The following RFTN1 variants were observed in gnomAD, a reference collection of about 807,000 sequenced individuals.
RFTN1 encodes raftlin.
RFTN1 carries 26 observed loss-of-function variants against 46.5 expected under a neutral mutation model. That is an observed-to-expected ratio of 0.56 (90% CI 0.41 to 0.78). The LOEUF (loss-of-function observed/expected upper bound fraction) is 0.78. Among genes scored for constraint, RFTN1 ranks in the 30% least tolerant of loss-of-function variants. RFTN1 has a pLI of 0.00. For missense variants in RFTN1, 693 were observed against 718.7 expected, an observed-to-expected ratio of 0.96 and a Z score of 0.41; for synonymous variants, 261 against 284.2, an observed-to-expected ratio of 0.92 and a Z score of 0.82.
rs567582350 is a variant in RFTN1 at position 16,426,686 on chromosome 3, T to C, written c.332+7165A>G. Among the ~76,000 whole-genome samples the C allele has an allele frequency of 4.6e-5, 7 of 151,984 alleles. No individual in the cohort carries two copies. Among genetic ancestry groups the C allele is most frequent in the Admixed American group, 3.3e-4 (5 of 15,260 alleles). On this transcript the variant is annotated intron_variant, in intron 3 of 9. Coordinates refer to ENST00000334133, the MANE Select transcript of RFTN1 (RefSeq NM_015150.2). The surrounding 1 kb of genome is among the most constrained non-coding windows in gnomAD (Gnocchi z 5.9). The stretch of plus-strand genomic sequence containing the variant: ...GTGTGTGTGTGTGTGTGTGTGTGTG[T>C]GTGTGTGTGTGTCTGTTCCATTACT...
intron 3 of RFTN1, among the ~76,000 whole-genome samples, chr3:16,420,105 C>A (rs1329230794): frequency 6.6e-6 from 1 of 152,178 alleles, no homozygotes; most frequent in East Asian, 1.9e-4. Context: ...AGCCACTGTG[C>A]ACTACAAGGA....
At chr3:16,445,481 TCTCACACACACA>T (rs1320881966) in intron 2 of RFTN1, among the ~76,000 whole-genome samples, 37 of 54,960 alleles carry the variant, frequency 6.7e-4, no homozygotes, top group Non-Finnish European at 1.3e-3. Context: ...TCTCTCTCTC[TCTCACACACACA>T]CACACACACA....
chr3:16,479,078 T>C lies in RFTN1; in HGVS notation c.145+14647A>G, dbSNP rs1297421028. On this transcript the variant is annotated intron_variant, in intron 2 of 9. Transcript: ENST00000334133. The surrounding 1 kb of genome is among the most constrained non-coding windows in gnomAD (Gnocchi z 5.1). ...ATGTCCACCATGCTACTTGATATCATAACACTAATGAGCAGGAAAGTTGAG... is the reference window on the plus strand; with the variant it reads ...ATGTCCACCATGCTACTTGATATCACAACACTAATGAGCAGGAAAGTTGAG... 1.3e-5 allele frequency among the ~76,000 whole-genome samples: 2 copies of C among 152,176 alleles called. No homozygotes were observed. Among genetic ancestry groups the C allele is most frequent in the Admixed American group, 6.5e-5 (1 of 15,278 alleles).
At chr3:16,354,033 C>G (rs2072263949) in intron 7 of RFTN1, among the ~76,000 whole-genome samples, 2 of 152,190 alleles carry the variant, frequency 1.3e-5, no homozygotes, top group Admixed American at 1.3e-4. Context: ...GATTCTGATA[C>G]AAGCTCAATT....
At chr3:16,502,523 G>C (rs2076729014) in intron 1 of RFTN1, among the ~76,000 whole-genome samples, 1 of 152,232 alleles carries the variant, frequency 6.6e-6, no homozygotes, top group Admixed American at 6.5e-5. Flanking sequence ...GGGCTGACCT[G>C]TGTAACCAGA....
chr3:16,353,869 T>C lies in RFTN1; in HGVS notation c.1146+4063A>G, dbSNP rs2072251246. The stretch of plus-strand genomic sequence containing the variant: ...CCCTCCCAGAACCTTGATCTTGGAC[T>C]TTTCAGCCTCCAGAACTGAGAGGAA... On this transcript the variant is annotated intron_variant, in intron 7 of 9. Transcript: ENST00000334133. This position sits in a 1 kb window ranked among gnomAD's most constrained non-coding sequence, Gnocchi z 5.4. 6.6e-6 allele frequency among the ~76,000 whole-genome samples: 1 copy of C among 152,158 alleles called. No individual in the cohort carries two copies. Among genetic ancestry groups the C allele is most frequent in the South Asian group, 2.1e-4 (1 of 4,830 alleles).
At position 16,352,256 on chromosome 3, in the gene RFTN1, G is replaced by A. The variant is rs1253824464; in HGVS notation, c.1146+5676C>T. ...TATGCTAGAACATATTCCAGGGAGAGGGATAAACATGGAAAAGGCTCTATG... is the reference window on the plus strand; with the variant it reads ...TATGCTAGAACATATTCCAGGGAGAAGGATAAACATGGAAAAGGCTCTATG... On this transcript the variant is annotated intron_variant, in intron 7 of 9. Coordinates refer to ENST00000334133, the MANE Select transcript of RFTN1 (RefSeq NM_015150.2). The surrounding 1 kb of genome is among the most constrained non-coding windows in gnomAD (Gnocchi z 4.6). Among the ~76,000 whole-genome samples, 1 of 152,174 alleles carries A rather than the reference G, an allele frequency of 6.6e-6. No individual in the cohort carries two copies. The highest frequency in any genetic ancestry group is 1.9e-4 in the East Asian group (1 of 5,202).
At chr3:16,501,600 T>C (rs190645781) in intron 1 of RFTN1, among the ~76,000 whole-genome samples, 57 of 152,382 alleles carry the variant, frequency 3.7e-4, no homozygotes, top group African/African-American at 8.2e-4. Context: ...GGCAATTATA[T>C]GCAATGATGC....
Position 16,348,451 on chromosome 3 carries a change from C to T in RFTN1, c.1146+9481G>A, listed in dbSNP as rs1309083814. On this transcript the variant is annotated intron_variant, in intron 7 of 9. Transcript: ENST00000334133. This position sits in a 1 kb window ranked among gnomAD's most constrained non-coding sequence, Gnocchi z 6.3. ...GCAGGAAGCCCCCACACTCAATTCC[C>T]TTAGCCCATCCAAGTCCTGGCTTGA... 6.6e-6 allele frequency among the ~76,000 whole-genome samples: 1 copy of T among 152,190 alleles called. No homozygotes were observed. The highest frequency in any genetic ancestry group is 1.5e-5 in the Non-Finnish European group (1 of 68,024).
rs1300602878 is a variant in RFTN1, at chr3:16,344,664, G to A, written c.1146+13268C>T. ...AAGCCCCTGAAAAAGATGTGAAACA[G>A]GCCAAGGCACAGGATGGCATCAGAA... On this transcript the variant is annotated intron_variant, in intron 7 of 9. Transcript: ENST00000334133. The surrounding 1 kb of genome is among the most constrained non-coding windows in gnomAD (Gnocchi z 4.4). 1.3e-5 allele frequency among the ~76,000 whole-genome samples: 2 copies of A among 152,180 alleles called. No homozygotes were observed. Among genetic ancestry groups the A allele is most frequent in the Non-Finnish European group, 2.9e-5 (2 of 68,030 alleles).
At chr3:16,367,355 T>C (rs973089554) in intron 6 of RFTN1, among the ~76,000 whole-genome samples, 4 of 152,168 alleles carry the variant, frequency 2.6e-5, no homozygotes, top group African/African-American at 4.8e-5. Context: ...CTTGGACTTT[T>C]CCAGAGCAGA....
At position 16,344,537 on chromosome 3, in the gene RFTN1, G is replaced by A. The variant is rs1387789141; in HGVS notation, c.1146+13395C>T. ...AGAATGCTTTATGTGGAGCCCAAGA[G>A]CATCCATGTTCTTATTCTTAGATCC... On this transcript the variant is annotated intron_variant, in intron 7 of 9. Coordinates refer to ENST00000334133, the MANE Select transcript of RFTN1 (RefSeq NM_015150.2). The surrounding 1 kb of genome is among the most constrained non-coding windows in gnomAD (Gnocchi z 4.4). Among the ~76,000 whole-genome samples, 1 of 151,990 alleles carries A rather than the reference G, an allele frequency of 6.6e-6. No individual in the cohort carries two copies. The highest frequency in any genetic ancestry group is 2.4e-5 in the African/African-American group (1 of 41,362).
rs1360776728 is a variant in RFTN1 at position 16,450,822 on chromosome 3, G to A, written c.146-16785C>T. On this transcript the variant is annotated intron_variant, in intron 2 of 9. Transcript: ENST00000334133. This position sits in a 1 kb window ranked among gnomAD's most constrained non-coding sequence, Gnocchi z 4.6. Reference sequence around the variant, plus strand: ...ATAAGAAAACAAAGCCAAAGAGATGGCTGGGAGATGAGGGAGAGGGATGGC... The same window carrying A: ...ATAAGAAAACAAAGCCAAAGAGATGACTGGGAGATGAGGGAGAGGGATGGC... Among the ~76,000 whole-genome samples, 1 of 151,948 alleles carries A rather than the reference G, an allele frequency of 6.6e-6. No individual in the cohort carries two copies. The highest frequency in any genetic ancestry group is 1.5e-5 in the Non-Finnish European group (1 of 67,976).
chr3:16,487,865 T>C (rs959164718), intron 2 of RFTN1, among the ~76,000 whole-genome samples: 6 of 152,214 alleles, frequency 3.9e-5, no homozygotes, highest in Admixed American at 3.3e-4. Context: ...CCATCTGCGA[T>C]GAAACCCATC....
intron 4 of RFTN1, among the ~76,000 whole-genome samples, chr3:16,395,114 A>G (rs1173547215): frequency 6.6e-6 from 1 of 152,266 alleles, no homozygotes; most frequent in Admixed American, 6.5e-5. Flanking sequence ...TGCATGTGCA[A>G]TTAAATTATT....
At chr3:16,502,320 C>T (rs1028872248) in intron 1 of RFTN1, among the ~76,000 whole-genome samples, 5 of 151,260 alleles carry the variant, frequency 3.3e-5, no homozygotes, top group Non-Finnish European at 7.4e-5. Flanking sequence ...ATGATCTCGC[C>T]ACTGCATGAT....
At chr3:16,318,920 G>T (rs2068731510) in intron 9 of RFTN1, among the ~76,000 whole-genome samples, 1 of 152,184 alleles carries the variant, frequency 6.6e-6, no homozygotes, top group South Asian at 2.1e-4. Context: ...TGGTGTCTCA[G>T]ACCCACCTCC....
In RFTN1 at chr3:16,345,264, T is replaced by TTTGTGTGTGTGTGTG. The variant is rs1491581919; in HGVS notation, c.1146+12667_1146+12668insCACACACACACACAA. The TTTGTGTGTGTGTGTG allele has an allele frequency of 9.9e-4, 145 of 145,930 alleles. 2 individuals are homozygous for TTTGTGTGTGTGTGTG. Among genetic ancestry groups the TTTGTGTGTGTGTGTG allele is most frequent in the African/African-American group, 3.5e-3 (131 of 37,852 alleles). The allele number at this position is 145,930 out of a possible 1,614,324, so 9.0% of individuals were successfully genotyped here. On this transcript the variant is annotated intron_variant, in intron 7 of 9. Coordinates refer to ENST00000334133, the MANE Select transcript of RFTN1 (RefSeq NM_015150.2). The surrounding 1 kb of genome is among the most constrained non-coding windows in gnomAD (Gnocchi z 5.2). ...AAACTGTAAGATAATAAGTAGGTGG[T>TTTGTGTGTGTGTGTG]TGTGTGTGTGTGTGTGTGTGTGTGT...
At chr3:16,347,227 A>C (rs187812176) in intron 7 of RFTN1, among the ~76,000 whole-genome samples, 1 of 152,224 alleles carries the variant, frequency 6.6e-6, no homozygotes, top group South Asian at 2.1e-4. Flanking sequence ...GACTTTTCAC[A>C]TGCAAACATA....
Sources: allele counts gnomAD v4.1 joint callset (sites outside exome capture counted in the v4.1 genomes callset), GRCh38; gene constraint gnomAD v4.1.1; non-coding constraint Gnocchi (gnomAD v3.1); transcripts MANE v1.5; gene names NCBI Gene and HGNC (gene_info 2026-07-23, HGNC 2026-07-21).